Variants in GNAI1 observed in about 807,000 individuals in gnomAD.
The protein encoded by GNAI1 is guanine nucleotide-binding protein G(i) subunit alpha-1.
Under a neutral mutation model 38.9 loss-of-function variants are expected in GNAI1, and 11 were observed. The ratio of observed to expected loss-of-function variants is 0.28; its 90% CI spans 0.18 to 0.47. GNAI1 has a LOEUF of 0.47. Among genes scored for constraint, GNAI1 ranks in the 20% least tolerant of loss-of-function variants. The probability of loss-of-function intolerance (pLI) is 0.99; values close to 1 mark genes in which losing one functional copy is unlikely to be tolerated. For synonymous variants in GNAI1, 166 were observed against 145.1 expected (o/e 1.14, Z -1.04); for missense variants, 317 against 436.9 (o/e 0.73, Z 2.45).
chr7:80,186,023 CTTTTTTTTTTTTTT>C lies in GNAI1; in HGVS notation c.119-2914_119-2901del, dbSNP rs533371119. ...AGTTAATAAGACTGCCATCCGCACT[CTTTTTTTTTTTTTT>C]TTTTTTTTTTTTTGAGACGGAGTCT... is the stretch of plus-strand genomic sequence containing the variant. On this transcript the variant is annotated intron_variant, in intron 1 of 7. Transcript: ENST00000649796. 3.7e-4 allele frequency among the ~76,000 whole-genome samples: 38 copies of C among 103,498 alleles called. No homozygotes were observed. In the South Asian group the frequency reaches 7.6e-3, roughly 21 times the overall value. 67.9% of individuals were successfully genotyped at this position (103,498 alleles called of 152,430 possible). A position where few individuals can be genotyped will look rare whatever the true frequency, so the allele number is the denominator to read the frequency against.
chr7:80,224,524 G>A lies in GNAI1; in HGVS notation c.*7031G>A, dbSNP rs902603478. Among the ~76,000 whole-genome samples the A allele has an allele frequency of 6.6e-6, 1 of 151,896 alleles. No individual in the cohort carries two copies. The highest frequency in any genetic ancestry group is 6.6e-5 in the Admixed American group (1 of 15,246). On this transcript the variant is annotated 3_prime_UTR_variant, in exon 8 of 8. Transcript: ENST00000649796. ...TATCTTCAAAATCCAATGGCATAAA[G>A]AAGTTTTTCACAAGGGTGCCACATG...
chr7:80,201,594 C>G (rs923928279), intron 4 of GNAI1, among the ~76,000 whole-genome samples: 1 of 152,052 alleles, frequency 6.6e-6, no homozygotes, highest in African/African-American at 2.4e-5. Flanking sequence ...CATGGTGGCC[C>G]ATCCCTGTAG....
intron 1 of GNAI1, among the ~76,000 whole-genome samples, chr7:80,182,170 G>A (rs12669563): frequency 1.3e-5 from 2 of 152,186 alleles, no homozygotes; most frequent in African/African-American, 2.4e-5. Flanking sequence ...ATACTATCAC[G>A]AATGACAGGA....
chr7:80,164,229 G>A (rs888681477), intron 1 of GNAI1, among the ~76,000 whole-genome samples: 7 of 151,700 alleles, frequency 4.6e-5, no homozygotes, highest in Admixed American at 1.3e-4. Flanking sequence ...ATTTTTAGTA[G>A]AGATGGAGTT....
chr7:80,199,472 C>A, intron 4 of GNAI1, 90 bp downstream of exon 4: 2 of 934,172 alleles, frequency 2.1e-6, no homozygotes, highest in South Asian at 1.9e-5. Flanking sequence ...GCAGAATTGG[C>A]TGACACATTC....
At chr7:80,171,850 C>T (rs1351050722) in intron 1 of GNAI1, among the ~76,000 whole-genome samples, 2 of 152,096 alleles carry the variant, frequency 1.3e-5, no homozygotes, top group Non-Finnish European at 2.9e-5. Flanking sequence ...TCCTTCCTCC[C>T]TCAGCTTTTC....
At chr7:80,202,747 G>A (rs527986708) in intron 4 of GNAI1, among the ~76,000 whole-genome samples, 6 of 152,168 alleles carry the variant, frequency 3.9e-5, no homozygotes, top group Non-Finnish European at 7.4e-5. Flanking sequence ...AAAACACTGC[G>A]GTGATGGTCT....
chr7:80,200,324 C>CAAA (rs59511755), intron 4 of GNAI1, among the ~76,000 whole-genome samples: 3,673 of 40,286 alleles, frequency 0.091, 402 homozygotes, highest in South Asian at 0.17. Flanking sequence ...GGCCATGTCT[C>CAAA]AAAAAAAAAA....
intron 1 of GNAI1, among the ~76,000 whole-genome samples, chr7:80,148,068 ATTCT>A (rs775210953): frequency 1.7e-4 from 26 of 152,064 alleles, no homozygotes; most frequent in Non-Finnish European, 3.8e-4. Flanking sequence ...TGGGCTGTGG[ATTCT>A]TTCTCTCATT....
chr7:80,200,806 A>G (rs1215793637), intron 4 of GNAI1, among the ~76,000 whole-genome samples: 1 of 152,232 alleles, frequency 6.6e-6, no homozygotes, highest in East Asian at 1.9e-4. Flanking sequence ...TGGTTTATAC[A>G]TGTATATATA....
At chr7:80,180,290 T>C (rs552227899) in intron 1 of GNAI1, among the ~76,000 whole-genome samples, 2 of 151,250 alleles carry the variant, frequency 1.3e-5, no homozygotes, top group African/African-American at 4.9e-5. Context: ...TTATAGGTCT[T>C]ACATGAACTA....
intron 5 of GNAI1, among the ~76,000 whole-genome samples, chr7:80,207,341 G>T (rs1175473606): frequency 2.0e-5 from 3 of 152,012 alleles, no homozygotes; most frequent in African/African-American, 7.2e-5. Context: ...TTCACTTCCA[G>T]CCTAGGTTTT....
At chr7:80,214,715 T>C (rs1476292264) in intron 7 of GNAI1, among the ~76,000 whole-genome samples, 2 of 152,220 alleles carry the variant, frequency 1.3e-5, no homozygotes, top group Non-Finnish European at 2.9e-5. Context: ...GGAAGAACCC[T>C]GTGTAGCCCC....
chr7:80,142,171 A>G (rs995450715), intron 1 of GNAI1, among the ~76,000 whole-genome samples: 1 of 152,046 alleles, frequency 6.6e-6, no homozygotes, highest in Non-Finnish European at 1.5e-5. Context: ...GCCTCTGCCC[A>G]TTGCCCATTT....
chr7:80,198,469 T>C (rs901987013), intron 3 of GNAI1, among the ~76,000 whole-genome samples: 1 of 152,126 alleles, frequency 6.6e-6, no homozygotes, highest in African/African-American at 2.4e-5. Context: ...TAACCAAATA[T>C]GAGTAGCCTC....
intron 3 of GNAI1, among the ~76,000 whole-genome samples, chr7:80,190,533 A>C (rs1788463505): frequency 1.3e-5 from 2 of 152,164 alleles, no homozygotes; most frequent in Admixed American, 6.5e-5. Flanking sequence ...ACATTTTAAA[A>C]GAACATTATA....
chr7:80,161,792 C>T (rs1396422268), intron 1 of GNAI1, among the ~76,000 whole-genome samples: 1 of 151,966 alleles, frequency 6.6e-6, no homozygotes, highest in Non-Finnish European at 1.5e-5. Context: ...GTTTATACTG[C>T]TCTTCAAAAA....
intron 3 of GNAI1, among the ~76,000 whole-genome samples, chr7:80,196,580 T>C (rs1182877774): frequency 6.6e-6 from 1 of 152,000 alleles, no homozygotes; most frequent in Non-Finnish European, 1.5e-5. Flanking sequence ...AATCATTGAC[T>C]CCCTAATTTG....
chr7:80,195,871 T>A (rs576469792), intron 3 of GNAI1, among the ~76,000 whole-genome samples: 1 of 152,146 alleles, frequency 6.6e-6, no homozygotes, highest in Admixed American at 6.5e-5. Context: ...CTAGTTGAGA[T>A]GAACTCTGAT....
Sources: allele counts gnomAD v4.1 joint callset (sites outside exome capture counted in the v4.1 genomes callset), GRCh38; gene constraint gnomAD v4.1.1; transcripts MANE v1.5; gene names NCBI Gene and HGNC (gene_info 2026-07-23, HGNC 2026-07-21).